The following TM6SF1 variants were observed in gnomAD, a reference collection of about 807,000 sequenced individuals.
TM6SF1 encodes the protein transmembrane 6 superfamily member 1.
TM6SF1 carries 43 observed loss-of-function variants against 47.1 expected under a neutral mutation model. That is an observed-to-expected ratio of 0.91 (90% confidence interval 0.72 to 1.18). The LOEUF is 1.18. TM6SF1 is among the 50% of genes most tolerant of loss of function. The pLI is 0.00. For synonymous variants in TM6SF1, 177 were observed against 166.3 expected (o/e 1.06, Z -0.49); for missense variants, 390 against 449.0 (o/e 0.87, Z 1.19).
At position 83,107,944 on chromosome 15, in the gene TM6SF1, C is replaced by A; in HGVS notation, c.92+172C>A. ...CAGACTAGGGGGGCGCCCCAGGGGT[C>A]GCACGGGCCGGGTCTTGGAGCCGGG... is the stretch of plus-strand genomic sequence containing the variant. On this transcript the variant is annotated intron_variant, in intron 1 of 9. Transcript: ENST00000322019. The surrounding 1 kb of genome is among the most constrained non-coding windows in gnomAD (Gnocchi z 5.6). 8.1e-7 allele frequency: 1 copy of A among 1,240,180 alleles called. No homozygotes were observed. Among genetic ancestry groups the A allele is most frequent in the South Asian group, 2.3e-5 (1 of 43,412 alleles). 76.8% of individuals were successfully genotyped at this position (1,240,180 alleles called of 1,614,324 possible).
intron 2 of TM6SF1, chr15:83,113,165 C>G (rs2034350931): frequency 3.9e-6 from 2 of 514,918 alleles, no homozygotes; most frequent in Admixed American, 3.3e-5. Context: ...CATGCTTTGA[C>G]CTCTGACCTC....
At chr15:83,122,034 C>T in intron 5 of TM6SF1, 31 bp downstream of exon 5, 1 of 1,543,108 alleles carries the variant, frequency 6.5e-7, no homozygotes, top group East Asian at 2.3e-5. Flanking sequence ...GTTCACTTTC[C>T]TTTTCTAAAA....
intron 2 of TM6SF1, chr15:83,114,625 C>A (rs1306726114): frequency 1.3e-5 from 2 of 152,656 alleles, no homozygotes; most frequent in African/African-American, 4.8e-5. Context: ...CTGCTGACTC[C>A]AGGCAAGGCC....
At chr15:83,116,875 T>G (rs1431897844) in intron 3 of TM6SF1, among the ~76,000 whole-genome samples, 1 of 152,196 alleles carries the variant, frequency 6.6e-6, no homozygotes, top group Non-Finnish European at 1.5e-5. Context: ...TTTGGAAGAA[T>G]GCTGCTGTTT....
intron 4 of TM6SF1, 124 bp downstream of exon 4, chr15:83,119,805 T>A: frequency 1.4e-6 from 2 of 1,473,838 alleles, no homozygotes; most frequent in Non-Finnish European, 1.8e-6. Flanking sequence ...ATAAGTTCCA[T>A]GGGTGCACGT....
intron 1 of TM6SF1, chr15:83,111,720 T>C (rs1487058972): frequency 1.0e-6 from 1 of 982,040 alleles, no homozygotes; most frequent in East Asian, 1.1e-4. Context: ...TAGTATTTTG[T>C]CTAGAATTGG....
chr15:83,122,126 T>C, intron 5 of TM6SF1, 123 bp downstream of exon 5: 1 of 803,864 alleles, frequency 1.2e-6, no homozygotes, highest in Non-Finnish European at 2.0e-6. Context: ...AAACCTGTTT[T>C]GCAGAATAAT....
chr15:83,121,710 A>G (rs181350184), intron 4 of TM6SF1, among the ~76,000 whole-genome samples: 1 of 152,332 alleles, frequency 6.6e-6, no homozygotes, highest in East Asian at 1.9e-4. Context: ...TTCCTATTTA[A>G]AAGGACACGA....
chr15:83,111,560 T>C, intron 1 of TM6SF1: 1 of 956,690 alleles, frequency 1.0e-6, no homozygotes, highest in Non-Finnish European at 1.2e-6. Context: ...TCTATTCTTA[T>C]CTTTCTCTCT....
chr15:83,118,960 C>T (rs559879262), intron 3 of TM6SF1, among the ~76,000 whole-genome samples: 1 of 152,064 alleles, frequency 6.6e-6, no homozygotes, highest in African/African-American at 2.4e-5. Flanking sequence ...AGCTACGTGA[C>T]CTTAGGAAAG....
At chr15:83,108,031 G>A in intron 1 of TM6SF1, 4 of 652,464 alleles carry the variant, frequency 6.1e-6, no homozygotes, top group Non-Finnish European at 8.8e-6. Context: ...CCAGGTGCCC[G>A]GGGTCACAGG....
chr15:83,108,018 G>A (rs1412088580), intron 1 of TM6SF1: 39 of 735,344 alleles, frequency 5.3e-5, no homozygotes, highest in Admixed American at 1.8e-4. Flanking sequence ...TGCCAGCACC[G>A]CGCCAGGTGC....
At chr15:83,134,202 A>C (rs1481449617) in intron 9 of TM6SF1, 2 of 151,934 alleles carry the variant, frequency 1.3e-5, no homozygotes, top group African/African-American at 4.8e-5. Context: ...GTGGGCTTAC[A>C]ATCTAATCTA....
At chr15:83,117,776 G>A (rs112533276) in intron 3 of TM6SF1, among the ~76,000 whole-genome samples, 3 of 152,204 alleles carry the variant, frequency 2.0e-5, no homozygotes, top group African/African-American at 7.2e-5. Flanking sequence ...GAGTTTTAGA[G>A]TAGAGGAACA....
At chr15:83,135,571 C>T (rs1398413674) in intron 9 of TM6SF1, 2 of 152,124 alleles carry the variant, frequency 1.3e-5, no homozygotes. Context: ...AATTTTCTGA[C>T]AGGAGCTTTT....
chr15:83,122,701 T>A, intron 5 of TM6SF1, 56 bp from the exon 6 acceptor site: 1 of 1,589,696 alleles, frequency 6.3e-7, no homozygotes, highest in Non-Finnish European at 8.6e-7. Context: ...ATCCTAAATA[T>A]TACTTGTGTT....
At position 83,107,835 on chromosome 15, in the gene TM6SF1, G is replaced by A. The variant is rs2151327890; in HGVS notation, c.92+63G>A. On this transcript the variant is annotated intron_variant, in intron 1 of 9. Transcript: ENST00000322019. This position sits in a 1 kb window ranked among gnomAD's most constrained non-coding sequence, Gnocchi z 5.6. ...CGGCGGGAGTTGGCTCGCCGCGACG[G>A]GAGCCTCGCAACTTTTCCGAGGGGG... The A allele has an allele frequency of 6.6e-7, 1 of 1,515,268 alleles. No individual in the cohort carries two copies. Among genetic ancestry groups the A allele is most frequent in the Non-Finnish European group, 8.8e-7 (1 of 1,131,526 alleles). 93.9% of individuals were successfully genotyped at this position (1,515,268 alleles called of 1,614,324 possible).
chr15:83,127,295 C>T lies in TM6SF1; in HGVS notation c.802-63C>T, dbSNP rs546353984. The T allele has an allele frequency of 2.8e-5, 41 of 1,453,976 alleles. No individual in the cohort carries two copies. The African/African-American group carries it at 5.9e-4, about 21-fold the overall frequency. 90.1% of individuals were successfully genotyped at this position (1,453,976 alleles called of 1,614,324 possible). A position where few individuals can be genotyped will look rare whatever the true frequency, so the allele number is the denominator to read the frequency against. ...AGATGAAAATGTTTACTTTTTTGTA[C>T]TTTTTAGTCAGGCCAAGTTAACTGC... On this transcript the variant is annotated intron_variant, in intron 8 of 9. Transcript: ENST00000322019.
chr15:83,109,880 G>A (rs1473093061), intron 1 of TM6SF1, among the ~76,000 whole-genome samples: 5 of 152,118 alleles, frequency 3.3e-5, no homozygotes, highest in Admixed American at 6.6e-5. Flanking sequence ...TGTTGAAGCC[G>A]CACCTGGACT....
Sources: gnomAD v4.1 joint callset for allele counts (sites outside exome capture counted in the v4.1 genomes callset) on GRCh38, gnomAD v4.1.1 for gene constraint, Gnocchi (gnomAD v3.1) non-coding constraint, MANE v1.5 for transcripts, NCBI Gene and HGNC (gene_info 2026-07-23, HGNC 2026-07-21) for gene names.